MEI4: variants seen among roughly 807,000 people sequenced by gnomAD.
MEI4 encodes meiosis-specific protein MEI4.
MEI4 carries 27 observed loss-of-function variants against 31.4 expected under a neutral mutation model. The observed-to-expected ratio is 0.86, with a 90% CI of 0.63 to 1.19. The LOEUF is 1.19. Among genes scored for constraint, MEI4 ranks in the 50% most tolerant of loss-of-function variants. The pLI is 0.00. For missense variants in MEI4, 329 were observed against 398.9 expected (o/e 0.82, Z 1.49); for synonymous variants, 122 against 145.4 (o/e 0.84, Z 1.16).
chr6:77,819,166 G>T (rs1230486441), intron 3 of MEI4, among the ~76,000 whole-genome samples: 4 of 151,928 alleles, frequency 2.6e-5, no homozygotes, highest in African/African-American at 9.7e-5. Flanking sequence ...GTTATTTTGG[G>T]GTAGAGAACT....
intron 3 of MEI4, among the ~76,000 whole-genome samples, chr6:77,763,985 T>C (rs1316978307): frequency 6.6e-5 from 10 of 152,110 alleles, no homozygotes. Flanking sequence ...AGCTAATTTT[T>C]GTATTTTTAG....
At chr6:77,791,403 T>A (rs1768926714) in intron 3 of MEI4, among the ~76,000 whole-genome samples, 1 of 150,970 alleles carries the variant, frequency 6.6e-6, no homozygotes, top group Non-Finnish European at 1.5e-5. Context: ...AAATTGGAAA[T>A]CATCATTCTC....
At chr6:77,808,761 C>G (rs572662516) in intron 3 of MEI4, among the ~76,000 whole-genome samples, 15 of 152,246 alleles carry the variant, frequency 9.9e-5, no homozygotes, top group Admixed American at 2.6e-4. Flanking sequence ...GGATCAAGCC[C>G]TTAGGAAAAG....
intron 4 of MEI4, among the ~76,000 whole-genome samples, chr6:77,913,762 C>G (rs1385087116): frequency 1.3e-5 from 2 of 150,496 alleles, no homozygotes; most frequent in African/African-American, 4.9e-5. Context: ...AGCCCGGGCA[C>G]GGTGGCTCAC....
At chr6:77,660,989 C>T (rs1313644654) in intron 1 of MEI4, among the ~76,000 whole-genome samples, 1 of 152,168 alleles carries the variant, frequency 6.6e-6, no homozygotes, top group East Asian at 1.9e-4. Context: ...AATTTCCTGT[C>T]TAGCCTGCTG....
At chr6:77,735,573 G>A (rs1351263692) in intron 2 of MEI4, among the ~76,000 whole-genome samples, 3 of 151,946 alleles carry the variant, frequency 2.0e-5, no homozygotes, top group Admixed American at 6.5e-5. Context: ...TTTGCCTTCG[G>A]TTTGAATGTC....
chr6:77,918,825 G>A (rs1766630254), intron 4 of MEI4, among the ~76,000 whole-genome samples: 1 of 151,988 alleles, frequency 6.6e-6, no homozygotes, highest in South Asian at 2.1e-4. Flanking sequence ...AGTGGTGAGA[G>A]AGGGCATCCC....
chr6:77,925,095 C>G lies in MEI4; in HGVS notation c.*1749C>G, dbSNP rs1766813306. 1 of 151,796 alleles carries G rather than the reference C, an allele frequency of 6.6e-6. No individual in the cohort carries two copies. The highest frequency in any genetic ancestry group is 1.5e-5 in the Non-Finnish European group (1 of 67,882). 9.4% of individuals were successfully genotyped at this position (151,796 alleles called of 1,614,324 possible). A position where few individuals can be genotyped will look rare whatever the true frequency, so the allele number is the denominator to read the frequency against. On this transcript the variant is annotated 3_prime_UTR_variant, in exon 5 of 5. Coordinates refer to ENST00000684080, the MANE Select transcript of MEI4 (RefSeq NM_001322247.2). ...TTCATCTTCTTTCATTGTGATTAAA[C>G]AAGATTGGTAAATACACAAGTATCA...
At chr6:77,752,770 T>C (rs776340109) in intron 2 of MEI4, among the ~76,000 whole-genome samples, 8 of 152,034 alleles carry the variant, frequency 5.3e-5, no homozygotes, top group African/African-American at 1.7e-4. Flanking sequence ...TAAATTTCAT[T>C]TGGAACCAAA....
At chr6:77,861,310 T>C (rs182224875) in intron 4 of MEI4, among the ~76,000 whole-genome samples, 1 of 152,342 alleles carries the variant, frequency 6.6e-6, no homozygotes, top group Admixed American at 6.5e-5. Flanking sequence ...CAACCTAATA[T>C]CTATCTCTAA....
chr6:77,779,996 T>A (rs1005604910), intron 3 of MEI4, among the ~76,000 whole-genome samples: 5 of 152,000 alleles, frequency 3.3e-5, no homozygotes, highest in Admixed American at 2.6e-4. Context: ...TTCTAAAGAG[T>A]TTGCAAAGAA....
At chr6:77,772,496 C>T (rs1768342332) in intron 3 of MEI4, among the ~76,000 whole-genome samples, 1 of 151,902 alleles carries the variant, frequency 6.6e-6, no homozygotes, top group Admixed American at 6.6e-5. Context: ...GTGGAAAAAG[C>T]ATATGATAAA....
At chr6:77,867,419 C>A (rs1375669279) in intron 4 of MEI4, among the ~76,000 whole-genome samples, 1 of 152,202 alleles carries the variant, frequency 6.6e-6, no homozygotes, top group Non-Finnish European at 1.5e-5. Context: ...TATGAACAGA[C>A]ACTTCTCAAA....
At chr6:77,913,692 G>T (rs1382981312) in intron 4 of MEI4, among the ~76,000 whole-genome samples, 5 of 149,308 alleles carry the variant, frequency 3.3e-5, no homozygotes, top group African/African-American at 1.2e-4. Context: ...TCCTTGGTTA[G>T]TCTAGATAAC....
chr6:77,911,273 T>A (rs1397050567), intron 4 of MEI4, among the ~76,000 whole-genome samples: 1 of 152,106 alleles, frequency 6.6e-6, no homozygotes, highest in Non-Finnish European at 1.5e-5. Flanking sequence ...TAGTTCAATA[T>A]AGTCCAATTC....
intron 1 of MEI4, among the ~76,000 whole-genome samples, chr6:77,683,968 C>T (rs1212424202): frequency 4.6e-5 from 7 of 152,030 alleles, no homozygotes; most frequent in Admixed American, 3.9e-4. Flanking sequence ...TACTGTTTTC[C>T]GTAGATGTTG....
chr6:77,733,516 CT>C (rs1357175528), intron 2 of MEI4, among the ~76,000 whole-genome samples: 1 of 152,026 alleles, frequency 6.6e-6, no homozygotes, highest in East Asian at 1.9e-4. Context: ...ATTCTTCTCT[CT>C]TTTTTTCTTT....
In MEI4 at chr6:77,923,485, ATGGTTAGTCTT is replaced by A. The variant is rs1214196339; in HGVS notation, c.*140_*150del. 1.4e-6 allele frequency: 1 copy of A among 730,352 alleles called. No homozygotes were observed. Among genetic ancestry groups the A allele is most frequent in the Non-Finnish European group, 1.9e-6 (1 of 533,840 alleles). 45.2% of individuals were successfully genotyped at this position (730,352 alleles called of 1,614,324 possible). A position where few individuals can be genotyped will look rare whatever the true frequency, so the allele number is the denominator to read the frequency against. ...TAAATATAATTATCAATTCAACTTAATGGTTAGTCTTAAATTGTATGAAATTTTATGAGTCA... is the reference window on the plus strand; with the variant it reads ...TAAATATAATTATCAATTCAACTTAAAAATTGTATGAAATTTTATGAGTCA... On this transcript the variant is annotated 3_prime_UTR_variant, in exon 5 of 5. Transcript: ENST00000684080.
chr6:77,714,285 T>TA (rs1262497684), intron 2 of MEI4, among the ~76,000 whole-genome samples: 1 of 152,110 alleles, frequency 6.6e-6, no homozygotes, highest in Admixed American at 6.5e-5. Context: ...CCATAGTCTA[T>TA]AAAATGTCAA....
Sources: gnomAD v4.1 joint callset for allele counts (sites outside exome capture counted in the v4.1 genomes callset) on GRCh38, gnomAD v4.1.1 for gene constraint, MANE v1.5 for transcripts, NCBI Gene and HGNC (gene_info 2026-07-23, HGNC 2026-07-21) for gene names.